GTF2B: variants seen among roughly 807,000 people sequenced by gnomAD.
GTF2B encodes general transcription factor IIB, also known as transcription initiation factor IIB.
Under a neutral mutation model 34.6 loss-of-function variants are expected in GTF2B, and 20 were observed. The ratio of observed to expected loss-of-function variants is 0.58; its 90% CI spans 0.41 to 0.84. The LOEUF is 0.84. Among genes scored for constraint, GTF2B ranks in the 40% least tolerant of loss-of-function variants. The pLI, the probability that GTF2B is intolerant of heterozygous loss-of-function variation, is 0.00. For missense variants in GTF2B, 237 were observed against 393.3 expected, an observed-to-expected ratio of 0.60 and a Z score of 3.36; for synonymous variants, 142 against 132.4, an observed-to-expected ratio of 1.07 and a Z score of -0.50.
At chr1:88,866,647 A>G (rs944746723) in intron 2 of GTF2B, among the ~76,000 whole-genome samples, 9 of 152,152 alleles carry the variant, frequency 5.9e-5, no homozygotes, top group African/African-American at 2.2e-4. Flanking sequence ...GGCTCAAGTG[A>G]TCCACTCACC....
intron 6 of GTF2B, among the ~76,000 whole-genome samples, chr1:88,854,295 C>G (rs969397960): frequency 2.6e-5 from 4 of 152,054 alleles, no homozygotes; most frequent in African/African-American, 9.7e-5. Flanking sequence ...TTATAGCATA[C>G]GGAGATGTTT....
intron 2 of GTF2B, among the ~76,000 whole-genome samples, chr1:88,871,218 G>A (rs751826088): frequency 1.3e-5 from 2 of 152,024 alleles, no homozygotes; most frequent in African/African-American, 2.4e-5. Flanking sequence ...GTCTTCTTAT[G>A]TTGTAAAAAG....
intron 2 of GTF2B, among the ~76,000 whole-genome samples, chr1:88,866,017 T>G (rs1673551476): frequency 6.6e-6 from 1 of 152,112 alleles, no homozygotes; most frequent in Non-Finnish European, 1.5e-5. Flanking sequence ...AAAAATTAAT[T>G]TAAATGCTCA....
At chr1:88,888,693 T>C (rs1287993861) in intron 1 of GTF2B, among the ~76,000 whole-genome samples, 2 of 152,108 alleles carry the variant, frequency 1.3e-5, no homozygotes, top group Admixed American at 1.3e-4. Context: ...CTCAAAGATA[T>C]GAAGAGTGAA....
intron 3 of GTF2B, among the ~76,000 whole-genome samples, chr1:88,862,984 T>C (rs1360336893): frequency 2.0e-5 from 3 of 149,846 alleles, no homozygotes; most frequent in Non-Finnish European, 4.4e-5. Flanking sequence ...AAAGAGACTA[T>C]GCAATAGTAT....
intron 2 of GTF2B, among the ~76,000 whole-genome samples, chr1:88,880,219 T>C (rs1241966767): frequency 1.3e-5 from 2 of 152,158 alleles, no homozygotes; most frequent in Non-Finnish European, 2.9e-5. Context: ...ACCAAGATAA[T>C]TTATTAGGAA....
intron 2 of GTF2B, among the ~76,000 whole-genome samples, chr1:88,871,295 T>C (rs1275071856): frequency 6.6e-6 from 1 of 152,210 alleles, no homozygotes; most frequent in Non-Finnish European, 1.5e-5. Context: ...CAAGTTATAC[T>C]GGAGTAACAA....
chr1:88,889,965 G>A (rs183100164), intron 1 of GTF2B, among the ~76,000 whole-genome samples: 8 of 152,120 alleles, frequency 5.3e-5, no homozygotes, highest in African/African-American at 1.9e-4. Flanking sequence ...ACTTGAACTG[G>A]GGAGGTCATG....
intron 2 of GTF2B, among the ~76,000 whole-genome samples, chr1:88,880,050 C>T (rs1402964701): frequency 1.3e-5 from 2 of 151,492 alleles, no homozygotes; most frequent in Non-Finnish European, 2.9e-5. Flanking sequence ...CAGAGCAAGA[C>T]TCCTCCATCT....
intron 3 of GTF2B, among the ~76,000 whole-genome samples, chr1:88,862,406 G>C (rs1162363074): frequency 1.3e-5 from 2 of 152,104 alleles, no homozygotes; most frequent in African/African-American, 4.8e-5. Context: ...GCCATGTGTC[G>C]TGGCCCACAC....
chr1:88,886,925 TA>T (rs200620556), intron 2 of GTF2B, among the ~76,000 whole-genome samples: 3,387 of 147,154 alleles, frequency 0.023, 110 homozygotes, highest in African/African-American at 0.072. Context: ...TTATTATTAT[TA>T]TTTTTTTTTT....
At chr1:88,889,544 G>A (rs1001318114) in intron 1 of GTF2B, among the ~76,000 whole-genome samples, 1 of 152,186 alleles carries the variant, frequency 6.6e-6, no homozygotes, top group Admixed American at 6.5e-5. Flanking sequence ...TGCAAGAAAG[G>A]CACTATTTCA....
intron 2 of GTF2B, among the ~76,000 whole-genome samples, chr1:88,879,160 CAAG>C (rs751289179): frequency 7.3e-5 from 11 of 151,446 alleles, no homozygotes; most frequent in South Asian, 2.1e-4. Context: ...GGGTGGGCCT[CAAG>C]AAGAAGGAGG....
intron 3 of GTF2B, 42 bp downstream of exon 3, chr1:88,863,939 G>A (rs1673495292): frequency 6.3e-7 from 1 of 1,594,534 alleles, no homozygotes; most frequent in Non-Finnish European, 8.6e-7. Context: ...CAGGTCTATG[G>A]TCACTCTGCA....
intron 2 of GTF2B, among the ~76,000 whole-genome samples, chr1:88,867,798 A>AT (rs993710851): frequency 2.7e-5 from 4 of 148,640 alleles, no homozygotes; most frequent in South Asian, 2.1e-4. Flanking sequence ...TGGATTTTTT[A>AT]TTTTTTTTAA....
chr1:88,870,564 AACT>A (rs137861759), intron 2 of GTF2B, among the ~76,000 whole-genome samples: 13,181 of 152,092 alleles, frequency 0.087, 1,316 homozygotes, highest in African/African-American at 0.25. Context: ...CTCATTTTCT[AACT>A]ACTAATTGCT....
chr1:88,863,899 A>C, intron 3 of GTF2B, 82 bp downstream of exon 3: 1 of 1,223,270 alleles, frequency 8.2e-7, no homozygotes. Flanking sequence ...TGGTGCAGTG[A>C]CTGATACTTT....
chr1:88,869,756 AGCTGGGATTACAGGC>A (rs1673646591), intron 2 of GTF2B, among the ~76,000 whole-genome samples: 1 of 151,882 alleles, frequency 6.6e-6, no homozygotes, highest in African/African-American at 2.4e-5. Context: ...GCTTCCAAGT[AGCTGGGATTACAGGC>A]GCCTGCCACC....
At chr1:88,884,437 A>G (rs1311375530) in intron 2 of GTF2B, among the ~76,000 whole-genome samples, 4 of 152,236 alleles carry the variant, frequency 2.6e-5, no homozygotes, top group Non-Finnish European at 5.9e-5. Flanking sequence ...TTAATTGACT[A>G]CTGATGTTGC....
Sources: gnomAD v4.1 joint callset for allele counts (sites outside exome capture counted in the v4.1 genomes callset) on GRCh38, gnomAD v4.1.1 for gene constraint, MANE v1.5 for transcripts, NCBI Gene and HGNC (gene_info 2026-07-23, HGNC 2026-07-21) for gene names.